RFX3: variants seen among roughly 807,000 people sequenced by gnomAD.
The protein encoded by RFX3 is regulatory factor X3, also known as transcription factor RFX3.
A neutral mutation model predicts 98.6 loss-of-function variants in RFX3; 14 were observed. The observed-to-expected ratio is 0.14, with a 90% CI of 0.09 to 0.22. The LOEUF (loss-of-function observed/expected upper bound fraction) is 0.22, where lower values mean the gene tolerates loss of function less well. Ranked by LOEUF, RFX3 falls within the 10% of genes least tolerant of loss-of-function variation. The pLI is 1.00. For synonymous variants in RFX3, 383 were observed against 328.4 expected (o/e 1.17, Z -1.80); for missense variants, 639 against 926.9 (o/e 0.69, Z 4.03).
At chr9:3,360,514 A>AG (rs1025916101) in intron 2 of RFX3, among the ~76,000 whole-genome samples, 20 of 152,122 alleles carry the variant, frequency 1.3e-4, no homozygotes, top group Admixed American at 1.2e-3. Context: ...TGTCAACTGA[A>AG]GGGAAAAAAA....
At chr9:3,454,290 AAC>A (rs1346670525) in intron 1 of RFX3, among the ~76,000 whole-genome samples, 1 of 152,222 alleles carries the variant, frequency 6.6e-6, no homozygotes, top group Non-Finnish European at 1.5e-5. Flanking sequence ...ATACACAGGC[AAC>A]ACTCGAGAGA....
intron 1 of RFX3, among the ~76,000 whole-genome samples, chr9:3,490,712 A>G (rs887682163): frequency 3.9e-5 from 6 of 152,146 alleles, no homozygotes; most frequent in Non-Finnish European, 8.8e-5. Context: ...AGAGCAAACA[A>G]TTCTGAAAAT....
chr9:3,370,360 C>G (rs1420867268), intron 2 of RFX3, among the ~76,000 whole-genome samples: 1 of 151,652 alleles, frequency 6.6e-6, no homozygotes, highest in African/African-American at 2.4e-5. Context: ...ATTCCTTTTT[C>G]CAACCATAGT....
chr9:3,420,865 C>A (rs1220739621), intron 1 of RFX3: 1 of 984,934 alleles, frequency 1.0e-6, no homozygotes, highest in African/African-American at 1.7e-5. Context: ...TCCCTTAGAT[C>A]CTGATCTGCA....
rs114069815 is a variant in RFX3 at position 3,462,696 on chromosome 9, T to C, written c.-9+63051A>G. 5.3e-3 allele frequency among the ~76,000 whole-genome samples: 814 copies of C among 152,194 alleles called. 6 individuals are homozygous for C. The highest frequency in any genetic ancestry group is 0.018 in the African/African-American group (744 of 41,560). On this transcript the variant is annotated intron_variant, in intron 1 of 16. Transcript: ENST00000617270. ...ATTAGAAACAGTGCATTTAGTAACA[T>C]TACAGTGTTACAAGGTCAAAATAGA...
At chr9:3,275,379 T>C in intron 9 of RFX3, 121 bp downstream of exon 9, 1 of 548,780 alleles carries the variant, frequency 1.8e-6, no homozygotes, top group African/African-American at 1.9e-5. Context: ...TGCTAAAAGA[T>C]ACGCTCAAAA....
At chr9:3,436,951 T>TAAAA (rs35142574) in intron 1 of RFX3, among the ~76,000 whole-genome samples, 5 of 151,850 alleles carry the variant, frequency 3.3e-5, no homozygotes, top group South Asian at 2.1e-4. Context: ...TTAATTTTTT[T>TAAAA]AAAAAAAATT....
intron 1 of RFX3, among the ~76,000 whole-genome samples, chr9:3,522,572 T>C (rs1369558691): frequency 1.3e-5 from 2 of 151,900 alleles, no homozygotes. Context: ...TGTGTGTGTG[T>C]GTGTGTGTGT....
At chr9:3,484,036 C>T (rs1257550352) in intron 1 of RFX3, among the ~76,000 whole-genome samples, 2 of 152,098 alleles carry the variant, frequency 1.3e-5, no homozygotes, top group East Asian at 3.8e-4. Context: ...AGGGCAGCAA[C>T]TCATAATCAT....
rs75180722 is a variant in RFX3 at position 3,302,101 on chromosome 9, T to C, written c.475-481A>G. Among the ~76,000 whole-genome samples, 3 of 151,976 alleles carry C rather than the reference T, an allele frequency of 2.0e-5. No homozygotes were observed. In the East Asian group the frequency reaches 5.8e-4, roughly 29 times the overall value. ...ATGAACAAAGATTCTTTCATTAATG[T>C]CCAAAAGTTACTAAATCCATACATC... On this transcript the variant is annotated intron_variant, in intron 4 of 16. Coordinates refer to ENST00000617270, the MANE Select transcript of RFX3 (RefSeq NM_001282116.2).
At chr9:3,280,907 T>C (rs1485995397) in intron 7 of RFX3, among the ~76,000 whole-genome samples, 5 of 151,780 alleles carry the variant, frequency 3.3e-5, no homozygotes, top group Non-Finnish European at 7.4e-5. Flanking sequence ...TAGAAAAACA[T>C]CATTTTAAAC....
chr9:3,342,560 C>A (rs568388888), intron 3 of RFX3, among the ~76,000 whole-genome samples: 1 of 151,942 alleles, frequency 6.6e-6, no homozygotes, highest in Non-Finnish European at 1.5e-5. Context: ...CTTAATTTGA[C>A]CATAATACAG....
chr9:3,372,097 A>T (rs1045213578), intron 2 of RFX3, among the ~76,000 whole-genome samples: 68 of 152,322 alleles, frequency 4.5e-4, no homozygotes, highest in African/African-American at 1.5e-3. Context: ...GCTTCTCACT[A>T]CAGCAACTGT....
intron 1 of RFX3, among the ~76,000 whole-genome samples, chr9:3,473,226 G>A (rs1419550310): frequency 6.6e-6 from 1 of 152,146 alleles, no homozygotes; most frequent in Non-Finnish European, 1.5e-5. Context: ...GCAGTCTTAG[G>A]CTAGAGAAGA....
chr9:3,414,814 A>G (rs1172491651), intron 1 of RFX3, among the ~76,000 whole-genome samples: 1 of 139,112 alleles, frequency 7.2e-6, no homozygotes, highest in African/African-American at 2.6e-5. Context: ...ATATATGTAT[A>G]TATGAGTATA....
chr9:3,436,484 C>G (rs1044951648), intron 1 of RFX3, among the ~76,000 whole-genome samples: 8 of 151,958 alleles, frequency 5.3e-5, no homozygotes, highest in Admixed American at 5.3e-4. Flanking sequence ...AAGATAAACA[C>G]TATCAACAGA....
intron 2 of RFX3, among the ~76,000 whole-genome samples, chr9:3,362,006 A>G (rs1836514131): frequency 6.6e-6 from 1 of 152,196 alleles, no homozygotes; most frequent in African/African-American, 2.4e-5. Context: ...CTTGCCAAAA[A>G]CAAGTTCTAC....
At chr9:3,437,620 G>A (rs1845257940) in intron 1 of RFX3, among the ~76,000 whole-genome samples, 1 of 152,002 alleles carries the variant, frequency 6.6e-6, no homozygotes, top group African/African-American at 2.4e-5. Context: ...GCTATTTCAG[G>A]TTTAGGCCTC....
chr9:3,374,090 G>GCA (rs1337595454), intron 2 of RFX3, among the ~76,000 whole-genome samples: 2 of 143,770 alleles, frequency 1.4e-5, no homozygotes, highest in African/African-American at 2.8e-5. Context: ...ACACACACGC[G>GCA]CGCACACACA....
Sources: gnomAD v4.1 joint callset for allele counts (sites outside exome capture counted in the v4.1 genomes callset) on GRCh38, gnomAD v4.1.1 for gene constraint, MANE v1.5 for transcripts, NCBI Gene and HGNC (gene_info 2026-07-23, HGNC 2026-07-21) for gene names.